PKHD1: variants seen among roughly 807,000 people sequenced by gnomAD.
PKHD1 encodes PKHD1 ciliary IPT domain containing fibrocystin/polyductin, also known as fibrocystin.
In PKHD1, 291 loss-of-function variants were observed where a neutral mutation model predicts 412.0. The observed-to-expected ratio is 0.71, with a 90% CI of 0.64 to 0.78. The LOEUF (loss-of-function observed/expected upper bound fraction) is 0.78. Ranked by LOEUF, PKHD1 falls within the 30% of genes least tolerant of loss-of-function variation. PKHD1 has a pLI of 0.00. For synonymous variants in PKHD1, 1,777 were observed against 1,821.5 expected (o/e 0.98, Z 0.62); for missense variants, 4,825 against 4,950.7 (o/e 0.97, Z 0.76).
At chr6:51,655,500 CCA>C (rs1490946529) in intron 61 of PKHD1, among the ~76,000 whole-genome samples, 1 of 152,032 alleles carries the variant, frequency 6.6e-6, no homozygotes, top group Non-Finnish European at 1.5e-5. Context: ...ACACACACTC[CCA>C]CAGTGTCATG....
intron 46 of PKHD1, among the ~76,000 whole-genome samples, chr6:51,881,279 A>C (rs990196131): frequency 1.3e-5 from 2 of 152,058 alleles, no homozygotes; most frequent in African/African-American, 4.8e-5. Flanking sequence ...AACATATTAC[A>C]GGGTACACAT....
At position 51,616,776 on chromosome 6, in the gene PKHD1, G is replaced by GT. The variant is rs886061596; in HGVS notation, c.*2304_*2305insA. ...ATAAAACATGCCTCCCAGAAAGACTGGTCTTGTGACACATAGAGGATAAAT... is the reference window on the plus strand; with the variant it reads ...ATAAAACATGCCTCCCAGAAAGACTGTGTCTTGTGACACATAGAGGATAAAT... On this transcript the variant is annotated 3_prime_UTR_variant, in exon 67 of 67. Coordinates refer to ENST00000371117, the MANE Select transcript of PKHD1 (RefSeq NM_138694.4). 23 of 398,060 alleles carry GT rather than the reference G, an allele frequency of 5.8e-5. No homozygotes were observed. The East Asian group carries it at 7.8e-4, about 14-fold the overall frequency. 24.7% of individuals were successfully genotyped at this position (398,060 alleles called of 1,614,324 possible). A position where few individuals can be genotyped will look rare whatever the true frequency, so the allele number is the denominator to read the frequency against.
At chr6:51,794,325 G>A (rs576776042) in intron 52 of PKHD1, among the ~76,000 whole-genome samples, 1 of 152,076 alleles carries the variant, frequency 6.6e-6, no homozygotes, top group Non-Finnish European at 1.5e-5. Flanking sequence ...CTGCGTGTAT[G>A]TCTTCTTTTG....
rs1382205951 is a variant in PKHD1, at chr6:51,659,744, G to C, written c.10382C>G (p.Ser3461Cys). Reference protein sequence around the residue: ...STSGSVSTFYSILPIRQITKV... With the variant: ...STSGSVSTFYCILPIRQITKV... ...GGTGATTTGCCTGATGGGTAAGATAGAATAGAAAGTAGACACTGACCCAGA... is the reference window on the plus strand; with the variant it reads ...GGTGATTTGCCTGATGGGTAAGATACAATAGAAAGTAGACACTGACCCAGA... The change falls in exon 61 of 67, where the codon TCT (serine) becomes TGT (cysteine). Residue 3461 changes from serine to cysteine, a missense_variant. Coordinates refer to ENST00000371117, the MANE Select transcript of PKHD1 (RefSeq NM_138694.4). The C allele has an allele frequency of 4.3e-6, 7 of 1,613,730 alleles. No individual in the cohort carries two copies. Among genetic ancestry groups the C allele is most frequent in the Non-Finnish European group, 5.9e-6 (7 of 1,179,770 alleles).
intron 60 of PKHD1, among the ~76,000 whole-genome samples, chr6:51,728,954 A>G (rs1339861549): frequency 1.3e-5 from 2 of 152,196 alleles, no homozygotes; most frequent in Admixed American, 1.3e-4. Flanking sequence ...TTTTATATGC[A>G]TTTTGTCTAC....
At chr6:51,922,901 G>A (rs1461832061) in intron 37 of PKHD1, among the ~76,000 whole-genome samples, 3 of 152,180 alleles carry the variant, frequency 2.0e-5, no homozygotes, top group Non-Finnish European at 4.4e-5. Flanking sequence ...CTTCCCTGGT[G>A]AGGCAATGCC....
At chr6:51,728,984 A>T (rs1028540709) in intron 60 of PKHD1, among the ~76,000 whole-genome samples, 9 of 152,164 alleles carry the variant, frequency 5.9e-5, no homozygotes, top group African/African-American at 2.2e-4. Context: ...AAGCTCTAAG[A>T]TTTCCTTTGT....
intron 64 of PKHD1, among the ~76,000 whole-genome samples, chr6:51,634,007 T>A (rs1449775416): frequency 6.6e-6 from 1 of 152,062 alleles, no homozygotes; most frequent in Non-Finnish European, 1.5e-5. Context: ...TCAAATGGTA[T>A]GCTTTAAATA....
At chr6:52,032,313 G>A (rs1436174060) in intron 29 of PKHD1, among the ~76,000 whole-genome samples, 3 of 152,070 alleles carry the variant, frequency 2.0e-5, no homozygotes, top group Admixed American at 6.6e-5. Context: ...ACCAGAAAGG[G>A]AAGTTACCTG....
chr6:52,048,717 C>T, intron 22 of PKHD1, 98 bp from the exon 23 acceptor site: 1 of 1,463,462 alleles, frequency 6.8e-7, no homozygotes, highest in Non-Finnish European at 9.4e-7. Context: ...AGGCTGCAGC[C>T]TTCCAGAAAG....
intron 55 of PKHD1, among the ~76,000 whole-genome samples, chr6:51,769,425 G>A (rs1295859362): frequency 6.6e-6 from 1 of 151,134 alleles, no homozygotes; most frequent in Non-Finnish European, 1.5e-5. Flanking sequence ...TCTCAGAAAT[G>A]TTAAAGTTGC....
chr6:51,687,108 G>A (rs1777541584), intron 60 of PKHD1, among the ~76,000 whole-genome samples: 2 of 152,070 alleles, frequency 1.3e-5, no homozygotes, highest in Non-Finnish European at 1.5e-5. Flanking sequence ...GAGGAGCAGG[G>A]AAGAAATGGA....
chr6:52,041,073 T>C (rs900787764), intron 27 of PKHD1, among the ~76,000 whole-genome samples: 1 of 152,212 alleles, frequency 6.6e-6, no homozygotes, highest in Non-Finnish European at 1.5e-5. Context: ...AAGACAATGC[T>C]ATCTCAGCAC....
chr6:51,772,370 GC>G (rs1790291623), intron 55 of PKHD1, among the ~76,000 whole-genome samples: 1 of 151,620 alleles, frequency 6.6e-6, no homozygotes, highest in Non-Finnish European at 1.5e-5. Context: ...TACCTTTTCA[GC>G]TTAGACATAG....
chr6:52,070,491 C>A (rs1422980767), intron 9 of PKHD1, 46 bp from the exon 10 acceptor site: 3 of 1,450,230 alleles, frequency 2.1e-6, no homozygotes, highest in Non-Finnish European at 2.9e-6. Context: ...CTGCACGAGT[C>A]TTCTGGGCCA....
At chr6:51,688,572 T>TAATATAG (rs1460487701) in intron 60 of PKHD1, among the ~76,000 whole-genome samples, 1 of 149,774 alleles carries the variant, frequency 6.7e-6, no homozygotes, top group African/African-American at 2.5e-5. Flanking sequence ...TAAAAATAAA[T>TAATATAG]AATATAGATC....
intron 50 of PKHD1, among the ~76,000 whole-genome samples, chr6:51,843,798 G>A (rs1770658625): frequency 6.6e-6 from 1 of 152,174 alleles, no homozygotes; most frequent in Admixed American, 6.5e-5. Flanking sequence ...TTCATAAGTA[G>A]CTCCTTGGGC....
rs1442219286 is a variant in PKHD1, at chr6:52,024,829, T to C, written c.4981A>G (p.Ile1661Val). The change falls in exon 32 of 67, where the codon ATC becomes GTC. Residue 1661 changes from isoleucine to valine, a missense_variant. By Grantham distance (29) the Ile-to-Val change is conservative (BLOSUM62 3). Coordinates refer to ENST00000371117, the MANE Select transcript of PKHD1 (RefSeq NM_138694.4). ...ATGTCATCGCTCTGAGAAATAGAGATCAATTCTGGGGTAAAGGCCTTGTTA... is the reference window on the plus strand; with the variant it reads ...ATGTCATCGCTCTGAGAAATAGAGACCAATTCTGGGGTAAAGGCCTTGTTA... The part of the protein sequence containing the change: ...GYNKAFTPEL[I>V]SISQSDDILT... 2 of 1,614,014 alleles carry C rather than the reference T, an allele frequency of 1.2e-6. No individual in the cohort carries two copies. Among genetic ancestry groups the C allele is most frequent in the African/African-American group, 2.7e-5 (2 of 74,900 alleles).
intron 60 of PKHD1, among the ~76,000 whole-genome samples, chr6:51,672,225 A>C (rs1428221348): frequency 6.6e-6 from 1 of 152,132 alleles, no homozygotes; most frequent in Non-Finnish European, 1.5e-5. Context: ...TTTTATATAG[A>C]AGTGATTAGG....
Sources: allele counts gnomAD v4.1 joint callset (sites outside exome capture counted in the v4.1 genomes callset), GRCh38; gene constraint gnomAD v4.1.1; transcripts MANE v1.5; gene names NCBI Gene and HGNC (gene_info 2026-07-23, HGNC 2026-07-21).